The following TSNARE1 variants were observed in gnomAD, a reference collection of about 807,000 sequenced individuals.
TSNARE1 encodes the protein t-SNARE domain-containing protein 1.
A neutral mutation model predicts 62.0 loss-of-function variants in TSNARE1; 49 were observed. The observed-to-expected ratio is 0.79, with a 90% CI of 0.63 to 1.00. The LOEUF (loss-of-function observed/expected upper bound fraction) is 1.00. Among genes scored for constraint, TSNARE1 ranks in the 50% least tolerant of loss-of-function variants. The pLI is 0.00. For missense variants in TSNARE1, 755 were observed against 700.1 expected (o/e 1.08, Z -0.88); for synonymous variants, 328 against 294.4 (o/e 1.11, Z -1.17).
intron 9 of TSNARE1, among the ~76,000 whole-genome samples, chr8:142,304,259 G>A (rs540550992): frequency 2.0e-5 from 3 of 152,356 alleles, no homozygotes; most frequent in Admixed American, 6.5e-5. Flanking sequence ...CTGGCCTCGC[G>A]CCAAGCCCAG....
At position 142,344,335 on chromosome 8, in the gene TSNARE1, G is replaced by A; in HGVS notation, c.376C>T (p.Pro126Ser). 1.3e-6 allele frequency: 2 copies of A among 1,583,572 alleles called. No homozygotes were observed. The highest frequency in any genetic ancestry group is 1.7e-6 in the Non-Finnish European group (2 of 1,162,902). ...PSTTRAKKRK[P>S]NFCPQETEVL... Reference sequence around the variant, plus strand: ...TCGGTCTCCTGCGGGCAGAAGTTGGGCTTCCTCTTCTTGGCCCGGGTAGTG... The same window carrying A: ...TCGGTCTCCTGCGGGCAGAAGTTGGACTTCCTCTTCTTGGCCCGGGTAGTG... Residue 126 changes from proline to serine, a missense_variant, in exon 4 of 14, where the codon CCC becomes TCC. Coordinates refer to ENST00000524325, the MANE Select transcript of TSNARE1 (RefSeq NM_145003.5).
At chr8:142,322,995 G>A (rs745531316) in intron 6 of TSNARE1, among the ~76,000 whole-genome samples, 13 of 151,944 alleles carry the variant, frequency 8.6e-5, no homozygotes, top group Non-Finnish European at 1.5e-4. Context: ...CGGTCTGGCC[G>A]TGTCTGTGGG....
intron 12 of TSNARE1, among the ~76,000 whole-genome samples, chr8:142,232,009 G>A (rs1270392535): frequency 6.6e-6 from 1 of 152,262 alleles, no homozygotes; most frequent in Non-Finnish European, 1.5e-5. Context: ...TACCTGAGGG[G>A]AGCAAAGGGC....
At chr8:142,275,672 T>C in intron 11 of TSNARE1, 1 of 985,410 alleles carries the variant, frequency 1.0e-6, no homozygotes, top group Non-Finnish European at 1.2e-6. Flanking sequence ...GGAGGTTCCT[T>C]GCAAGGCCTG....
intron 9 of TSNARE1, among the ~76,000 whole-genome samples, chr8:142,310,443 T>C (rs1827386857): frequency 6.6e-6 from 1 of 151,338 alleles, no homozygotes; most frequent in Non-Finnish European, 1.5e-5. Context: ...ACATCAACTG[T>C]TTCCATTGTC....
At chr8:142,305,768 G>C (rs1826567802) in intron 9 of TSNARE1, among the ~76,000 whole-genome samples, 1 of 152,238 alleles carries the variant, frequency 6.6e-6, no homozygotes, top group African/African-American at 2.4e-5. Flanking sequence ...GGACGGCCCT[G>C]TGATAGTTTT....
At chr8:142,274,713 A>G (rs1820152451) in intron 12 of TSNARE1, 68 bp downstream of exon 12, 7 of 1,420,632 alleles carry the variant, frequency 4.9e-6, no homozygotes, top group Non-Finnish European at 6.5e-6. Context: ...AGACAGACGG[A>G]GGGAGGGTTG....
chr8:142,393,224 A>G (rs1204382447), intron 1 of TSNARE1, among the ~76,000 whole-genome samples: 1 of 152,194 alleles, frequency 6.6e-6, no homozygotes, highest in Non-Finnish European at 1.5e-5. Context: ...GCGAATAGAA[A>G]AAGCCAATCC....
chr8:142,270,498 ATATATT>A (rs1354489989), intron 12 of TSNARE1: 5 of 904,936 alleles, frequency 5.5e-6, no homozygotes, highest in African/African-American at 2.1e-5. Context: ...ATATATATAT[ATATATT>A]TATGTATTTA....
intron 13 of TSNARE1, among the ~76,000 whole-genome samples, chr8:142,213,449 C>T (rs1039159797): frequency 9.9e-5 from 15 of 151,376 alleles, no homozygotes; most frequent in African/African-American, 3.2e-4. Flanking sequence ...TTGCAGCAAG[C>T]ATGTATCATT....
At chr8:142,283,592 G>A (rs189334004) in intron 11 of TSNARE1, among the ~76,000 whole-genome samples, 1 of 128,944 alleles carries the variant, frequency 7.8e-6, no homozygotes, top group Admixed American at 7.9e-5. Flanking sequence ...GAGCAGAGGC[G>A]GGGTTAGTGT....
At chr8:142,337,769 C>T (rs74583305) in intron 4 of TSNARE1, among the ~76,000 whole-genome samples, 1,773 of 152,374 alleles carry the variant, frequency 0.012, 13 homozygotes, top group Non-Finnish European at 0.018. Flanking sequence ...TGGGCCAACT[C>T]ATCACTACAT....
intron 1 of TSNARE1, among the ~76,000 whole-genome samples, chr8:142,365,633 C>CACACACACACACAG (rs60883386): frequency 1.1e-4 from 15 of 138,552 alleles, no homozygotes; most frequent in African/African-American, 3.9e-4. Flanking sequence ...CACACACACA[C>CACACACACACACAG]AGAGAGAGAG....
intron 10 of TSNARE1, among the ~76,000 whole-genome samples, chr8:142,289,451 C>T (rs578232688): frequency 8.8e-4 from 134 of 152,338 alleles, no homozygotes; most frequent in African/African-American, 3.0e-3. Context: ...ACTATCCCTC[C>T]TGGCGACCGA....
chr8:142,380,147 T>C (rs1444986562), intron 1 of TSNARE1, among the ~76,000 whole-genome samples: 1 of 152,198 alleles, frequency 6.6e-6, no homozygotes, highest in East Asian at 1.9e-4. Context: ...CACCAGGCAC[T>C]GTCCTAAGCA....
At chr8:142,323,709 G>A (rs1829815699) in intron 6 of TSNARE1, among the ~76,000 whole-genome samples, 1 of 152,234 alleles carries the variant, frequency 6.6e-6, no homozygotes, top group African/African-American at 2.4e-5. Context: ...GTCAGAGCCA[G>A]GGAGTCACCA....
At chr8:142,246,172 C>T (rs1267999509) in intron 12 of TSNARE1, among the ~76,000 whole-genome samples, 2 of 152,144 alleles carry the variant, frequency 1.3e-5, no homozygotes, top group Admixed American at 6.5e-5. Flanking sequence ...GCACCCAGGG[C>T]CTGTCCTCAG....
intron 12 of TSNARE1, among the ~76,000 whole-genome samples, chr8:142,249,154 G>A (rs1818030493): frequency 6.6e-6 from 1 of 152,250 alleles, no homozygotes; most frequent in Non-Finnish European, 1.5e-5. Flanking sequence ...CTCTGCCATT[G>A]GCTTGACCCC....
At chr8:142,277,124 G>C (rs1037600487) in intron 11 of TSNARE1, 4 of 985,228 alleles carry the variant, frequency 4.1e-6, no homozygotes, top group Non-Finnish European at 2.4e-6. Context: ...TCAGGTCTTG[G>C]AGGCCCCCAG....
Sources: allele counts gnomAD v4.1 joint callset (sites outside exome capture counted in the v4.1 genomes callset), GRCh38; gene constraint gnomAD v4.1.1; transcripts MANE v1.5; gene names NCBI Gene and HGNC (gene_info 2026-07-23, HGNC 2026-07-21).